Variants in TRDN observed in about 807,000 individuals in gnomAD.
TRDN encodes triadin.
Under a neutral mutation model 149.7 loss-of-function variants are expected in TRDN, and 161 were observed. That is an observed-to-expected ratio of 1.08 (90% confidence interval 0.95 to 1.23). The LOEUF (loss-of-function observed/expected upper bound fraction) is 1.23, where lower values mean the gene tolerates loss of function less well. TRDN is among the 50% of genes most tolerant of loss of function. The pLI is 0.00. For missense variants in TRDN, 896 were observed against 823.5 expected (o/e 1.09, Z -1.08); for synonymous variants, 294 against 250.5 (o/e 1.17, Z -1.64).
intron 2 of TRDN, among the ~76,000 whole-genome samples, chr6:123,565,498 T>A (rs975236900): frequency 6.6e-6 from 1 of 152,216 alleles, no homozygotes; most frequent in Non-Finnish European, 1.5e-5. Context: ...TTGTCCTATA[T>A]GAAGACTTTG....
At chr6:123,266,213 ATTATAATAT>A (rs1415975020) in intron 32 of TRDN, among the ~76,000 whole-genome samples, 35,359 of 71,160 alleles carry the variant, frequency 0.5, 12,864 homozygotes, top group East Asian at 0.7. Flanking sequence ...TATTATATAT[ATTATAATAT>A]GTATTATATA....
chr6:123,332,358 T>C (rs757693945), intron 22 of TRDN, among the ~76,000 whole-genome samples: 7 of 152,050 alleles, frequency 4.6e-5, no homozygotes, highest in African/African-American at 7.2e-5. Flanking sequence ...ATATCATGTA[T>C]GTAGCGGTGT....
Position 123,331,941 on chromosome 6 carries a change from C to A in TRDN, c.1421-12G>T. 6.5e-7 allele frequency: 1 copy of A among 1,529,964 alleles called. No individual in the cohort carries two copies. The highest frequency in any genetic ancestry group is 1.3e-5 in the South Asian group (1 of 78,410). The allele number at this position is 1,529,964 out of a possible 1,614,324, so 94.8% of individuals were successfully genotyped here. A position where few individuals can be genotyped will look rare whatever the true frequency, so the allele number is the denominator to read the frequency against. On this transcript the variant is annotated splice_polypyrimidine_tract_variant and intron_variant, in intron 22 of 40. Coordinates refer to ENST00000334268, the MANE Select transcript of TRDN (RefSeq NM_006073.4). ...CCCTTTAATAGGTTCTGAAAAGAAA[C>A]ATCGGACATTTATTTGAAGCCAAGA...
At chr6:123,364,156 A>T (rs1241958976) in intron 20 of TRDN, among the ~76,000 whole-genome samples, 1 of 152,206 alleles carries the variant, frequency 6.6e-6, no homozygotes, top group African/African-American at 2.4e-5. Flanking sequence ...CCAATTCATG[A>T]ATCATTTTTT....
At position 123,378,602 on chromosome 6, in the gene TRDN, C is replaced by A. The variant is rs543003029; in HGVS notation, c.1187-704G>T. ...AAAGTGCTAGGATTACAGGCATGAG[C>A]CACAGCACCGCAGCTTATTGCAGTT... On this transcript the variant is annotated intron_variant, in intron 16 of 40. Transcript: ENST00000334268. Among the ~76,000 whole-genome samples, 3 of 152,098 alleles carry A rather than the reference C, an allele frequency of 2.0e-5. No homozygotes were observed. The East Asian group carries it at 5.8e-4, about 29-fold the overall frequency.
intron 24 of TRDN, among the ~76,000 whole-genome samples, chr6:123,292,251 C>T (rs1778036200): frequency 6.6e-6 from 1 of 152,128 alleles, no homozygotes; most frequent in South Asian, 2.1e-4. Flanking sequence ...CAGTGGGACC[C>T]CCATGGCTGG....
chr6:123,623,837 T>C (rs1461522355), intron 1 of TRDN, among the ~76,000 whole-genome samples: 3 of 152,164 alleles, frequency 2.0e-5, no homozygotes, highest in African/African-American at 7.2e-5. Context: ...CCAATATTAA[T>C]ATCTCATCAG....
chr6:123,330,391 T>G (rs563066663), intron 23 of TRDN, among the ~76,000 whole-genome samples: 58 of 152,090 alleles, frequency 3.8e-4, no homozygotes, highest in African/African-American at 1.4e-3. Context: ...CTTTCTCAAT[T>G]AATTTAAACT....
chr6:123,305,332 A>C (rs1778567289), intron 24 of TRDN, among the ~76,000 whole-genome samples: 1 of 152,178 alleles, frequency 6.6e-6, no homozygotes, highest in African/African-American at 2.4e-5. Flanking sequence ...ACATGTTTAC[A>C]AAGAAAAGCT....
chr6:123,233,298 G>T (rs73771542), intron 38 of TRDN, among the ~76,000 whole-genome samples: 8,074 of 152,108 alleles, frequency 0.053, 640 homozygotes, highest in African/African-American at 0.18. Context: ...ATTATTTAAA[G>T]TAATAACGAG....
intron 38 of TRDN, among the ~76,000 whole-genome samples, chr6:123,242,517 C>A (rs1472375650): frequency 6.6e-6 from 1 of 151,870 alleles, no homozygotes; most frequent in African/African-American, 2.4e-5. Flanking sequence ...AATTAGAAAG[C>A]AAGAGGCTGG....
At chr6:123,236,325 GT>G (rs1251538240) in intron 38 of TRDN, among the ~76,000 whole-genome samples, 9 of 152,062 alleles carry the variant, frequency 5.9e-5, no homozygotes, top group African/African-American at 2.2e-4. Flanking sequence ...TGAACTATGT[GT>G]TAAAATCTTT....
chr6:123,425,173 G>T (rs2114554074), intron 12 of TRDN, among the ~76,000 whole-genome samples: 1 of 151,802 alleles, frequency 6.6e-6, no homozygotes, highest in Non-Finnish European at 1.5e-5. Context: ...GGAAAAAAGG[G>T]TGTAGTAATC....
At chr6:123,612,300 C>A (rs1784858154) in intron 1 of TRDN, among the ~76,000 whole-genome samples, 1 of 146,698 alleles carries the variant, frequency 6.8e-6, no homozygotes, top group Non-Finnish European at 1.5e-5. Context: ...AGGAGATATA[C>A]CTAATGCTAA....
chr6:123,530,574 A>C lies in TRDN; in HGVS notation c.425-9T>G, dbSNP rs983842288. 4.1e-6 allele frequency: 5 copies of C among 1,230,414 alleles called. No individual in the cohort carries two copies. Among genetic ancestry groups the C allele is most frequent in the Non-Finnish European group, 5.5e-6 (5 of 916,468 alleles). 76.2% of individuals were successfully genotyped at this position (1,230,414 alleles called of 1,614,324 possible). On this transcript the variant is annotated splice_polypyrimidine_tract_variant and intron_variant, in intron 4 of 40. Coordinates refer to ENST00000334268, the MANE Select transcript of TRDN (RefSeq NM_006073.4). ...CTTATCTTTGTGTATTTCTAAGAAAAAATAGAATTTATAATTTTAAAACTC... is the reference window on the plus strand; with the variant it reads ...CTTATCTTTGTGTATTTCTAAGAAACAATAGAATTTATAATTTTAAAACTC...
At chr6:123,348,612 T>C (rs2114282680) in intron 21 of TRDN, among the ~76,000 whole-genome samples, 1 of 152,198 alleles carries the variant, frequency 6.6e-6, no homozygotes, top group South Asian at 2.1e-4. Context: ...AAACAATCTT[T>C]GCTCTGACCA....
At chr6:123,472,830 G>A (rs1383860430) in intron 9 of TRDN, among the ~76,000 whole-genome samples, 2 of 152,158 alleles carry the variant, frequency 1.3e-5, no homozygotes, top group Admixed American at 1.3e-4. Flanking sequence ...CCCAGCAGGG[G>A]CACACTGACA....
rs1436866699 is a variant in TRDN, at chr6:123,266,130, TTATAA to T, written c.1784-797_1784-793del. 1.6e-3 allele frequency among the ~76,000 whole-genome samples: 187 copies of T among 115,656 alleles called. No individual in the cohort carries two copies. The East Asian group carries it at 0.039, about 24-fold the overall frequency. 75.9% of individuals were successfully genotyped at this position (115,656 alleles called of 152,430 possible). A position where few individuals can be genotyped will look rare whatever the true frequency, so the allele number is the denominator to read the frequency against. ...TCATATGTATTATATATTATATATA[TTATAA>T]TATGTATTATATATTATATATATTA... On this transcript the variant is annotated intron_variant, in intron 32 of 40. Coordinates refer to ENST00000334268, the MANE Select transcript of TRDN (RefSeq NM_006073.4).
At chr6:123,388,265 A>C (rs1781980840) in intron 14 of TRDN, among the ~76,000 whole-genome samples, 1 of 152,182 alleles carries the variant, frequency 6.6e-6, no homozygotes, top group Non-Finnish European at 1.5e-5. Context: ...CTGTCAACAG[A>C]GTAGGAGCCC....
Sources: gnomAD v4.1 joint callset for allele counts (sites outside exome capture counted in the v4.1 genomes callset) on GRCh38, gnomAD v4.1.1 for gene constraint, MANE v1.5 for transcripts, NCBI Gene and HGNC (gene_info 2026-07-23, HGNC 2026-07-21) for gene names.